The following CDH12 variants were observed in gnomAD, a reference collection of about 807,000 sequenced individuals.
The protein encoded by CDH12 is cadherin-12.
Under a neutral mutation model 74.1 loss-of-function variants are expected in CDH12, and 41 were observed. The observed-to-expected ratio is 0.55, with a 90% CI of 0.43 to 0.72. CDH12 has a LOEUF of 0.72. Among genes scored for constraint, CDH12 ranks in the 30% least tolerant of loss-of-function variants. CDH12 has a pLI of 0.00. For missense variants in CDH12, 945 were observed against 977.2 expected (o/e 0.97, Z 0.44); for synonymous variants, 399 against 355.0 (o/e 1.12, Z -1.39).
chr5:22,577,761 C>A (rs1739866622), intron 1 of CDH12, among the ~76,000 whole-genome samples: 1 of 151,830 alleles, frequency 6.6e-6, no homozygotes, highest in East Asian at 1.9e-4. Flanking sequence ...CCCAAGTTTT[C>A]TTTTCTATTG....
At chr5:22,325,151 T>A (rs1739033459) in intron 3 of CDH12, among the ~76,000 whole-genome samples, 1 of 152,218 alleles carries the variant, frequency 6.6e-6, no homozygotes, top group Non-Finnish European at 1.5e-5. Context: ...TCTGCGAGTA[T>A]AACATTTGGT....
chr5:22,358,116 T>C (rs1740640236), intron 3 of CDH12, among the ~76,000 whole-genome samples: 1 of 152,088 alleles, frequency 6.6e-6, no homozygotes, highest in South Asian at 2.1e-4. Flanking sequence ...CCTTAAAGAA[T>C]ACTAATGGCA....
At chr5:22,297,924 C>T (rs1737701609) in intron 3 of CDH12, among the ~76,000 whole-genome samples, 2 of 151,848 alleles carry the variant, frequency 1.3e-5, no homozygotes, top group South Asian at 4.1e-4. Context: ...ATTTTACTTC[C>T]AGTAACTTCA....
chr5:22,457,379 TTCCTTC>T lies in CDH12; in HGVS notation c.-428+47885_-428+47890del, dbSNP rs1353804977. Among the ~76,000 whole-genome samples, 9 of 151,006 alleles carry T rather than the reference TTCCTTC, an allele frequency of 6.0e-5. 1 individual carries two copies. The highest frequency in any genetic ancestry group is 8.8e-5 in the Non-Finnish European group (6 of 67,858). ...CCTCTTCTTTCTTCTCCTTCTCCTT[TTCCTTC>T]TCCTTCTCCTTCTTCCTCTTCCTCT... On this transcript the variant is annotated intron_variant, in intron 2 of 14. Transcript: ENST00000382254.
At chr5:22,417,380 G>T (rs1363677845) in intron 2 of CDH12, among the ~76,000 whole-genome samples, 10 of 152,284 alleles carry the variant, frequency 6.6e-5, no homozygotes, top group African/African-American at 2.4e-4. Flanking sequence ...GACTGGATAA[G>T]TTCAGGAGTG....
Position 22,830,275 on chromosome 5 carries a change from A to G in CDH12, c.-523+22783T>C, listed in dbSNP as rs1416657122. On this transcript the variant is annotated intron_variant, in intron 1 of 14. Transcript: ENST00000382254. ...GAAAAGTTTTGTTTAATGTATTTCT[A>G]ATAGGTATATGAAAATAACATGGTT... Among the ~76,000 whole-genome samples, 4 of 152,170 alleles carry G rather than the reference A, an allele frequency of 2.6e-5. No homozygotes were observed. The East Asian group carries it at 7.7e-4, about 29-fold the overall frequency.
chr5:21,954,030 G>T (rs1378594974), intron 6 of CDH12, among the ~76,000 whole-genome samples: 3 of 151,912 alleles, frequency 2.0e-5, no homozygotes, highest in African/African-American at 7.3e-5. Context: ...TGATGGAAAA[G>T]AATTCTAAGA....
intron 8 of CDH12, among the ~76,000 whole-genome samples, chr5:21,821,208 G>A (rs1018816807): frequency 3.3e-5 from 5 of 151,566 alleles, no homozygotes; most frequent in African/African-American, 1.2e-4. Context: ...GGGACAGGTA[G>A]GGGACATGCA....
chr5:22,283,043 G>A (rs1007346249), intron 3 of CDH12, among the ~76,000 whole-genome samples: 1 of 151,826 alleles, frequency 6.6e-6, no homozygotes, highest in Non-Finnish European at 1.5e-5. Context: ...TATACACCAT[G>A]GAATACTATG....
intron 2 of CDH12, among the ~76,000 whole-genome samples, chr5:22,448,211 A>G (rs536282275): frequency 1.3e-5 from 2 of 151,910 alleles, no homozygotes; most frequent in African/African-American, 4.8e-5. Context: ...ATAAGAAATT[A>G]AGCATTACAA....
chr5:22,269,419 G>A (rs1002726377), intron 3 of CDH12, among the ~76,000 whole-genome samples: 4 of 151,924 alleles, frequency 2.6e-5, no homozygotes, highest in Non-Finnish European at 4.4e-5. Flanking sequence ...TTATTCATGT[G>A]TTGTATAATC....
intron 3 of CDH12, among the ~76,000 whole-genome samples, chr5:22,331,714 C>T (rs1326782742): frequency 6.6e-6 from 1 of 152,100 alleles, no homozygotes; most frequent in African/African-American, 2.4e-5. Context: ...ACATTTCAAA[C>T]ACAGAATTCA....
intron 1 of CDH12, among the ~76,000 whole-genome samples, chr5:22,578,315 G>A (rs972230787): frequency 3.5e-4 from 53 of 150,644 alleles, no homozygotes; most frequent in African/African-American, 9.5e-4. Context: ...ATAAAATTGC[G>A]TCTAAATCTG....
chr5:22,328,887 G>T (rs183826378), intron 3 of CDH12, among the ~76,000 whole-genome samples: 1 of 152,276 alleles, frequency 6.6e-6, no homozygotes, highest in East Asian at 1.9e-4. Flanking sequence ...ATTTCCCAAG[G>T]AAGTTGGAAG....
At chr5:21,917,365 C>G (rs1009939083) in intron 6 of CDH12, among the ~76,000 whole-genome samples, 17 of 152,166 alleles carry the variant, frequency 1.1e-4, no homozygotes, top group African/African-American at 4.1e-4. Context: ...AATGATTCTA[C>G]TGTCTAGTCA....
At chr5:22,343,225 A>G (rs1056061115) in intron 3 of CDH12, among the ~76,000 whole-genome samples, 1 of 150,652 alleles carries the variant, frequency 6.6e-6, no homozygotes, top group African/African-American at 2.4e-5. Flanking sequence ...TCTTCCATCC[A>G]TCAGAATTTT....
intron 1 of CDH12, among the ~76,000 whole-genome samples, chr5:22,747,195 T>G (rs1319928744): frequency 1.3e-5 from 2 of 152,122 alleles, no homozygotes; most frequent in African/African-American, 4.8e-5. Context: ...GGTTAAACAC[T>G]TATTATATGT....
At chr5:22,346,665 C>T (rs915343703) in intron 3 of CDH12, among the ~76,000 whole-genome samples, 9 of 152,122 alleles carry the variant, frequency 5.9e-5, no homozygotes, top group Admixed American at 3.9e-4. Context: ...ACATGAAACA[C>T]GGTACTCACT....
rs369262381 is a variant in CDH12, at chr5:22,831,535, T to C, written c.-523+21523A>G. On this transcript the variant is annotated intron_variant, in intron 1 of 14. Coordinates refer to ENST00000382254, the MANE Select transcript of CDH12 (RefSeq NM_004061.5). ...CCTCCTGGATAGATTACATTAGCTA[T>C]ATTCCAAAATATAAATTATAAAAAC... Among the ~76,000 whole-genome samples, 8 of 152,176 alleles carry C rather than the reference T, an allele frequency of 5.3e-5. No individual in the cohort carries two copies. In the East Asian group the frequency reaches 7.7e-4, roughly 15 times the overall value.
Sources: allele counts gnomAD v4.1 joint callset (sites outside exome capture counted in the v4.1 genomes callset), GRCh38; gene constraint gnomAD v4.1.1; transcripts MANE v1.5; gene names NCBI Gene and HGNC (gene_info 2026-07-23, HGNC 2026-07-21).